The following RYR3 variants were observed in gnomAD, a reference collection of about 807,000 sequenced individuals.
The protein encoded by RYR3 is ryanodine receptor 3, also known as brain ryanodine receptor-calcium release channel.
A neutral mutation model predicts 584.3 loss-of-function variants in RYR3; 207 were observed. That is an observed-to-expected ratio of 0.35 (90% confidence interval 0.32 to 0.40). The LOEUF is 0.40. RYR3 is among the 10% of genes least tolerant of loss of function. The pLI is 1.00. For synonymous variants in RYR3, 2,416 were observed against 2,248.5 expected (o/e 1.07, Z -2.11); for missense variants, 5,616 against 6,089.2 (o/e 0.92, Z 2.59).
At chr15:33,485,107 A>G (rs956467245) in intron 2 of RYR3, among the ~76,000 whole-genome samples, 2 of 152,224 alleles carry the variant, frequency 1.3e-5, no homozygotes, top group Non-Finnish European at 2.9e-5. Flanking sequence ...TGTGTCATAG[A>G]AGTCACAGAA....
intron 60 of RYR3, among the ~76,000 whole-genome samples, chr15:33,768,416 G>A (rs1007077798): frequency 1.1e-4 from 17 of 152,312 alleles, no homozygotes; most frequent in African/African-American, 3.8e-4. Context: ...GTTTCAGAGG[G>A]ATTGTGTTTA....
At chr15:33,844,827 T>C (rs1351303482) in intron 92 of RYR3, 35 bp from the exon 93 acceptor site, 3 of 1,587,786 alleles carry the variant, frequency 1.9e-6, no homozygotes, top group Non-Finnish European at 2.6e-6. Flanking sequence ...AGGTTCTTTT[T>C]GATGTTTAAT....
In RYR3 at chr15:33,706,903, G is replaced by A; in HGVS notation, c.6484-16G>A. 6.3e-7 allele frequency: 1 copy of A among 1,586,300 alleles called. No homozygotes were observed. The highest frequency in any genetic ancestry group is 8.6e-7 in the Non-Finnish European group (1 of 1,165,348). ...CTAATGCGTGCGAAAGAACACTTTT[G>A]TACTGTTTCTGGCAGGTGGTGACCT... On this transcript the variant is annotated splice_polypyrimidine_tract_variant and intron_variant, in intron 42 of 103. Transcript: ENST00000634891.
At chr15:33,605,066 T>G (rs1183117815) in intron 18 of RYR3, among the ~76,000 whole-genome samples, 1 of 152,192 alleles carries the variant, frequency 6.6e-6, no homozygotes, top group Admixed American at 6.5e-5. Flanking sequence ...TAAGGAAGTA[T>G]GAAGCATACC....
At position 33,503,686 on chromosome 15, in the gene RYR3, T is replaced by C. The variant is rs1165622009; in HGVS notation, c.227T>C (p.Val76Ala). 6.2e-7 allele frequency: 1 copy of C among 1,613,226 alleles called. No homozygotes were observed. Among genetic ancestry groups the C allele is most frequent in the Non-Finnish European group, 8.5e-7 (1 of 1,179,718 alleles). ...CNFVLEQSLS[V>A]RALQEMLANT... Reference sequence around the variant, plus strand: ...TTTGTGCTGGAACAGTCCCTATCTGTCAGAGCCCTGCAGGAAATGCTTGCC... The same window carrying C: ...TTTGTGCTGGAACAGTCCCTATCTGCCAGAGCCCTGCAGGAAATGCTTGCC... The change falls in exon 3 of 104, where the codon GTC (valine) becomes GCC (alanine). Residue 76 changes from valine (V) to alanine (A), a missense_variant. Val to Ala is a moderately conservative substitution (Grantham distance 64, BLOSUM62 0). Around this residue, in one of 9 missense-constraint regions of RYR3, gnomAD observed 1,284 missense variants for 1,344.6 expected, o/e 0.95. Coordinates refer to ENST00000634891, the MANE Select transcript of RYR3 (RefSeq NM_001036.6).
At chr15:33,643,900 T>G (rs1028481076) in intron 27 of RYR3, among the ~76,000 whole-genome samples, 1 of 152,200 alleles carries the variant, frequency 6.6e-6, no homozygotes, top group African/African-American at 2.4e-5. Context: ...TCTCACCAAG[T>G]CATTCTTTAG....
intron 1 of RYR3, among the ~76,000 whole-genome samples, chr15:33,462,120 T>A (rs1049442603): frequency 6.6e-6 from 1 of 152,236 alleles, no homozygotes; most frequent in East Asian, 1.9e-4. Flanking sequence ...GTAAGTGACC[T>A]GTTTTCAAAG....
intron 1 of RYR3, among the ~76,000 whole-genome samples, chr15:33,351,041 G>T (rs1973175893): frequency 6.6e-6 from 1 of 151,900 alleles, no homozygotes; most frequent in African/African-American, 2.4e-5. Context: ...AAAGAGAGAA[G>T]AATCAAATAG....
chr15:33,447,682 T>C (rs2046786648), intron 1 of RYR3, among the ~76,000 whole-genome samples: 1 of 152,080 alleles, frequency 6.6e-6, no homozygotes, highest in Non-Finnish European at 1.5e-5. Flanking sequence ...TTAAATAAAA[T>C]AAAAATTCAG....
chr15:33,341,847 TA>T (rs58418395), intron 1 of RYR3, among the ~76,000 whole-genome samples: 52,919 of 149,496 alleles, frequency 0.35, 9,454 homozygotes, highest in East Asian at 0.52. Context: ...TAGAAAAAAT[TA>T]AAAAAAAAAA....
At chr15:33,362,481 G>A (rs1974913617) in intron 1 of RYR3, among the ~76,000 whole-genome samples, 1 of 152,098 alleles carries the variant, frequency 6.6e-6, no homozygotes, top group Non-Finnish European at 1.5e-5. Context: ...ACCATTTCAT[G>A]GGTATAAACC....
chr15:33,786,483 T>G (rs1050795698), intron 66 of RYR3, among the ~76,000 whole-genome samples: 71 of 152,030 alleles, frequency 4.7e-4, no homozygotes, highest in Non-Finnish European at 5.6e-4. Flanking sequence ...CTTTGTTGTT[T>G]TTTTTTTTTC....
At chr15:33,320,028 TA>T (rs532964114) in intron 1 of RYR3, among the ~76,000 whole-genome samples, 157 of 152,170 alleles carry the variant, frequency 1.0e-3, no homozygotes, top group Middle Eastern at 0.01. Flanking sequence ...TACGTTCAAA[TA>T]AAAAAATTCT....
Position 33,349,515 on chromosome 15 carries a change from C to T in RYR3, c.51+38419C>T, listed in dbSNP as rs764178842. ...TCTCATTGTTTTAATTTGCAATTCC[C>T]TAATGACGAATGACGCCAAGCATCT... On this transcript the variant is annotated intron_variant, in intron 1 of 103. Transcript: ENST00000634891. 9.0e-4 allele frequency among the ~76,000 whole-genome samples: 137 copies of T among 152,080 alleles called. 1 individual carries two copies. The highest frequency in any genetic ancestry group is 1.1e-3 in the Non-Finnish European group (72 of 67,998).
At chr15:33,482,628 AG>A (rs2050077002) in intron 2 of RYR3, among the ~76,000 whole-genome samples, 1 of 152,216 alleles carries the variant, frequency 6.6e-6, no homozygotes, top group Non-Finnish European at 1.5e-5. Context: ...CATGTTGGCC[AG>A]GCTGGTCTCG....
intron 65 of RYR3, among the ~76,000 whole-genome samples, chr15:33,784,294 G>A (rs1415510932): frequency 1.3e-5 from 2 of 152,196 alleles, no homozygotes; most frequent in Non-Finnish European, 2.9e-5. Context: ...AAGGAATTTG[G>A]TATGGCCTCT....
chr15:33,379,435 A>G (rs1202844411), intron 1 of RYR3, among the ~76,000 whole-genome samples: 1 of 152,062 alleles, frequency 6.6e-6, no homozygotes, highest in Non-Finnish European at 1.5e-5. Flanking sequence ...TGAAAAAAAT[A>G]CTTTTTGTCA....
At position 33,819,806 on chromosome 15, in the gene RYR3, A is replaced by C; in HGVS notation, c.10757A>C (p.Lys3586Thr). 1 of 1,587,552 alleles carries C rather than the reference A, an allele frequency of 6.3e-7. No individual in the cohort carries two copies. Residue 3586 changes from lysine (K) to threonine (T), a missense_variant and splice_region_variant, in exon 77 of 104, where the codon AAG becomes ACG. By Grantham distance (78) the Lys-to-Thr change is moderately conservative. This residue lies in a region of RYR3 where 954 missense variants were observed against 1,132.2 expected (regional missense o/e 0.84). Coordinates refer to ENST00000634891, the MANE Select transcript of RYR3 (RefSeq NM_001036.6). ...ACCTCCTATTCCAGCATGATGGCCA[A>C]GGTACACCCAGGTTTTCTGCCCATT... is the stretch of plus-strand genomic sequence containing the variant. ...LYTSYSSMMA[K>T]SCQSGEDEEE... is the part of the protein sequence containing the mutation.
intron 81 of RYR3, among the ~76,000 whole-genome samples, chr15:33,824,613 A>C (rs1259663791): frequency 6.6e-6 from 1 of 152,196 alleles, no homozygotes; most frequent in Non-Finnish European, 1.5e-5. Flanking sequence ...TTCACTGTCT[A>C]CCTAAATCAT....
Sources: allele counts gnomAD v4.1 joint callset (sites outside exome capture counted in the v4.1 genomes callset), GRCh38; gene constraint gnomAD v4.1.1; regional missense constraint gnomAD v4.1.1; transcripts MANE v1.5; gene names NCBI Gene and HGNC (gene_info 2026-07-23, HGNC 2026-07-21).